The following ZNF385D variants were observed in gnomAD, a reference collection of about 807,000 sequenced individuals.
ZNF385D encodes the protein zinc finger protein 385D.
ZNF385D carries 15 observed loss-of-function variants against 35.8 expected under a neutral mutation model. The observed-to-expected ratio is 0.42, with a 90% CI of 0.28 to 0.64. The LOEUF is 0.64. ZNF385D is among the 30% of genes least tolerant of loss of function. The pLI is 0.23. For missense variants in ZNF385D, 474 were observed against 494.6 expected (o/e 0.96, Z 0.39); for synonymous variants, 212 against 186.8 (o/e 1.13, Z -1.10).
At chr3:21,517,866 C>T (rs2125491442) in intron 3 of ZNF385D, among the ~76,000 whole-genome samples, 1 of 152,266 alleles carries the variant, frequency 6.6e-6, no homozygotes, top group East Asian at 1.9e-4. Context: ...ATTTAACATT[C>T]ATATAAAGCA....
At position 21,786,017 on chromosome 3, in the gene ZNF385D, T is replaced by C. The variant is rs372999777; in HGVS notation, c.326-120989A>G. Among the ~76,000 whole-genome samples the C allele has an allele frequency of 3.2e-5, 4 of 124,390 alleles. No homozygotes were observed. In the East Asian group the frequency reaches 1.1e-3, roughly 33 times the overall value. The allele number at this position is 124,390 out of a possible 152,430, so 81.6% of individuals were successfully genotyped here. On this transcript the variant is annotated intron_variant, in intron 3 of 5. Coordinates refer to the ZNF385D transcript ENST00000494108. ...GTGACTTATCCCAAGTGCTGTTACT[T>C]TACCCTTTTTTTTTTTACCATGTGA...
intron 2 of ZNF385D, among the ~76,000 whole-genome samples, chr3:21,575,126 G>C (rs754729159): frequency 6.6e-6 from 1 of 152,062 alleles, no homozygotes; most frequent in South Asian, 2.1e-4. Context: ...TTACAGATAC[G>C]TAAAAATGCC....
At chr3:21,959,446 A>G (rs942305213) in intron 3 of ZNF385D, among the ~76,000 whole-genome samples, 1 of 152,212 alleles carries the variant, frequency 6.6e-6, no homozygotes, top group African/African-American at 2.4e-5. Flanking sequence ...GAACCAGTCA[A>G]AAATCCAATC....
chr3:21,972,958 C>T (rs1267353239), intron 3 of ZNF385D, among the ~76,000 whole-genome samples: 1 of 151,782 alleles, frequency 6.6e-6, no homozygotes, highest in Non-Finnish European at 1.5e-5. Context: ...ATACTAGGAC[C>T]CAGCGGCTTC....
At chr3:22,338,890 G>A (rs1009310010) in intron 2 of ZNF385D, among the ~76,000 whole-genome samples, 11 of 151,596 alleles carry the variant, frequency 7.3e-5, no homozygotes, top group East Asian at 5.8e-4. Context: ...TAGTAGAGAT[G>A]GAGTTTCACC....
At chr3:21,724,477 CAAAAAAAAAAAAA>C (rs200803155) in intron 1 of ZNF385D, among the ~76,000 whole-genome samples, 5 of 52,016 alleles carry the variant, frequency 9.6e-5, no homozygotes, top group African/African-American at 1.6e-4. Context: ...AATGGAAAGC[CAAAAAAAAAAAAA>C]AAAAAAAAAA....
At chr3:22,294,008 G>A (rs1254930820) in intron 2 of ZNF385D, among the ~76,000 whole-genome samples, 2 of 150,832 alleles carry the variant, frequency 1.3e-5, no homozygotes, top group Non-Finnish European at 2.9e-5. Flanking sequence ...TTCTATCTTG[G>A]CCTAGATTGC....
At chr3:21,951,277 T>C (rs763774434) in intron 3 of ZNF385D, among the ~76,000 whole-genome samples, 1 of 151,624 alleles carries the variant, frequency 6.6e-6, no homozygotes, top group Non-Finnish European at 1.5e-5. Context: ...TTATAAGTTG[T>C]ATACCTAGGT....
chr3:22,141,985 T>C (rs115857941), intron 3 of ZNF385D, among the ~76,000 whole-genome samples: 68 of 152,294 alleles, frequency 4.5e-4, no homozygotes, highest in African/African-American at 1.5e-3. Context: ...CCACATGACT[T>C]ATGGTTAAAT....
At chr3:21,872,250 G>A (rs1028805483) in intron 3 of ZNF385D, among the ~76,000 whole-genome samples, 1 of 152,124 alleles carries the variant, frequency 6.6e-6, no homozygotes, top group African/African-American at 2.4e-5. Flanking sequence ...GCCTTTAGCA[G>A]TACAGACTTA....
At chr3:21,801,775 T>G (rs1046120880) in intron 3 of ZNF385D, among the ~76,000 whole-genome samples, 13 of 152,282 alleles carry the variant, frequency 8.5e-5, no homozygotes, top group African/African-American at 3.1e-4. Flanking sequence ...GCTGGGATTT[T>G]CAGTGAGAAT....
At chr3:21,754,465 G>A (rs540964902), upstream of ZNF385D, among the ~76,000 whole-genome samples, 52 of 152,254 alleles carry the variant, frequency 3.4e-4, no homozygotes, top group African/African-American at 1.0e-3. Context: ...AACAAAGGAT[G>A]CCTTCAAACC....
intron 2 of ZNF385D, among the ~76,000 whole-genome samples, chr3:22,311,036 T>C (rs1333384966): frequency 6.6e-6 from 1 of 151,786 alleles, no homozygotes; most frequent in Non-Finnish European, 1.5e-5. Flanking sequence ...ACTACGAAGG[T>C]TGAATTGAAT....
intron 3 of ZNF385D, among the ~76,000 whole-genome samples, chr3:22,128,001 C>T (rs2125679610): frequency 6.6e-6 from 1 of 152,262 alleles, no homozygotes; most frequent in African/African-American, 2.4e-5. Context: ...GGTGATTTCT[C>T]ATTGCTCATT....
chr3:21,732,553 G>A (rs1483919861), intron 1 of ZNF385D, among the ~76,000 whole-genome samples: 1 of 152,202 alleles, frequency 6.6e-6, no homozygotes, highest in African/African-American at 2.4e-5. Context: ...CCAGCATTTT[G>A]TGTTGTCAGT....
At chr3:21,869,318 A>G (rs1180781296) in intron 3 of ZNF385D, among the ~76,000 whole-genome samples, 2 of 152,160 alleles carry the variant, frequency 1.3e-5, no homozygotes, top group African/African-American at 4.8e-5. Flanking sequence ...TAGGTATTCC[A>G]ATAGAGTTAT....
chr3:21,425,675 C>T lies in ZNF385D; in HGVS notation c.674-5G>A, dbSNP rs748815900. The T allele has an allele frequency of 4.7e-6, 7 of 1,493,988 alleles. No homozygotes were observed. Among genetic ancestry groups the T allele is most frequent in the Non-Finnish European group, 5.4e-6 (6 of 1,111,290 alleles). The allele number at this position is 1,493,988 out of a possible 1,614,324, so 92.5% of individuals were successfully genotyped here. ...ACATGGTTTTGTGCTTAGTACCTGTCAGGAATATTGAAATGAAGGAAGGAA... is the reference window on the plus strand; with the variant it reads ...ACATGGTTTTGTGCTTAGTACCTGTTAGGAATATTGAAATGAAGGAAGGAA... On this transcript the variant is annotated splice_region_variant and splice_polypyrimidine_tract_variant and intron_variant, in intron 5 of 7. Transcript: ENST00000281523.
intron 1 of ZNF385D, among the ~76,000 whole-genome samples, chr3:21,711,038 A>ATTTTTTTTTTTTTTTTTT (rs562190313): frequency 5.4e-5 from 3 of 55,822 alleles, no homozygotes; most frequent in East Asian, 6.0e-4. Flanking sequence ...TCCCTCTAAA[A>ATTTTTTTTTTTTTTTTTT]GTTTTTTTTT....
intron 3 of ZNF385D, among the ~76,000 whole-genome samples, chr3:21,524,568 A>T (rs1362994731): frequency 1.3e-5 from 2 of 152,182 alleles, no homozygotes; most frequent in Non-Finnish European, 2.9e-5. Flanking sequence ...AAGTTAACAT[A>T]TTTCTCTCTG....
Sources: allele counts gnomAD v4.1 joint callset (sites outside exome capture counted in the v4.1 genomes callset), GRCh38; gene constraint gnomAD v4.1.1; transcripts MANE v1.5; gene names NCBI Gene and HGNC (gene_info 2026-07-23, HGNC 2026-07-21).